Variants in RELCH observed in about 807,000 individuals in gnomAD.
RELCH encodes the protein RAB11 binding and LisH domain, coiled-coil and HEAT repeat containing, also known as RAB11-binding protein RELCH.
RELCH carries 41 observed loss-of-function variants against 150.3 expected under a neutral mutation model. The observed-to-expected ratio is 0.27, with a 90% confidence interval of 0.21 to 0.35. The LOEUF (loss-of-function observed/expected upper bound fraction) is 0.35. Ranked by LOEUF, RELCH falls within the 10% of genes least tolerant of loss-of-function variation. RELCH has a pLI of 1.00. For synonymous variants in RELCH, 478 were observed against 531.8 expected (o/e 0.90, Z 1.39); for missense variants, 1,092 against 1,467.8 (o/e 0.74, Z 4.18).
intron 10 of RELCH, among the ~76,000 whole-genome samples, chr18:62,238,227 A>G: frequency 6.6e-6 from 1 of 151,820 alleles, no homozygotes; most frequent in East Asian, 1.9e-4. Context: ...TGTAATCTTT[A>G]TTATTTCCTT....
chr18:62,224,203 A>C lies in RELCH; in HGVS notation c.858+2706A>C, dbSNP rs147318505. On this transcript the variant is annotated intron_variant, in intron 5 of 28. Transcript: ENST00000644646. ...CTAATTGTTCAATTCCCACCTGTGA[A>C]TGAGAACATGCAGTGCTTGGTTTTC... Among the ~76,000 whole-genome samples the C allele has an allele frequency of 7.6e-3, 1,153 of 152,130 alleles. 5 individuals carry two copies. Among genetic ancestry groups the C allele is most frequent in the African/African-American group, 0.02 (824 of 41,520 alleles).
At chr18:62,205,298 G>A (rs1031035113) in intron 1 of RELCH, among the ~76,000 whole-genome samples, 1 of 152,152 alleles carries the variant, frequency 6.6e-6, no homozygotes, top group Non-Finnish European at 1.5e-5. Flanking sequence ...GAATGTACCT[G>A]TAGTAACCCA....
rs1000319408 is a variant in RELCH at position 62,305,326 on chromosome 18, G to A, written c.3531-88G>A. 1 of 1,146,276 alleles carries A rather than the reference G, an allele frequency of 8.7e-7. No individual in the cohort carries two copies. The highest frequency in any genetic ancestry group is 1.6e-5 in the African/African-American group (1 of 62,976). The allele number at this position is 1,146,276 out of a possible 1,614,324, so 71.0% of individuals were successfully genotyped here. On this transcript the variant is annotated intron_variant, in intron 28 of 28. Coordinates refer to ENST00000644646, the MANE Select transcript of RELCH (RefSeq NM_001346231.2). The surrounding 1 kb of genome is among the most constrained non-coding windows in gnomAD (Gnocchi z 4.0). ...TTCCCTTTTGTGACGCCAATTCAGA[G>A]TGTGTTCGTTAATGATATGCTACTA...
intron 8 of RELCH, among the ~76,000 whole-genome samples, chr18:62,230,099 G>A (rs1185811794): frequency 6.6e-6 from 1 of 152,046 alleles, no homozygotes; most frequent in Non-Finnish European, 1.5e-5. Context: ...TTGGTAATGG[G>A]AAGGGAAAGA....
At chr18:62,220,109 A>T (rs2040755441) in intron 2 of RELCH, among the ~76,000 whole-genome samples, 1 of 152,082 alleles carries the variant, frequency 6.6e-6, no homozygotes, top group African/African-American at 2.4e-5. Context: ...CAATATTCAT[A>T]TTTATGTCAT....
chr18:62,278,079 A>G (rs1175042594), intron 22 of RELCH: 1 of 153,220 alleles, frequency 6.5e-6, no homozygotes, highest in Non-Finnish European at 1.5e-5. Context: ...ATATTGTGTT[A>G]AAGTGTATAA....
intron 27 of RELCH, among the ~76,000 whole-genome samples, chr18:62,293,244 A>G (rs898802561): frequency 2.6e-5 from 4 of 152,190 alleles, no homozygotes; most frequent in African/African-American, 9.7e-5. Context: ...GAGAAGCAAA[A>G]CCAAAATGAT....
rs201786752 is a variant in RELCH at position 62,260,375 on chromosome 18, CAA to C, written c.2203-1122_2203-1121del. Among the ~76,000 whole-genome samples the C allele has an allele frequency of 1.4e-4, 14 of 100,988 alleles. No homozygotes were observed. In the East Asian group the frequency reaches 1.4e-3, roughly 10 times the overall value. 66.3% of individuals were successfully genotyped at this position (100,988 alleles called of 152,430 possible). ...GTTGAAATGACTATTATTAAAAAGA[CAA>C]AAAAAAAAAAAAAGATGCTGGTCAA... On this transcript the variant is annotated intron_variant, in intron 15 of 28. Transcript: ENST00000644646.
intron 26 of RELCH, 65 bp downstream of exon 26, chr18:62,287,532 G>T (rs1567038): frequency 0.38 from 323,408 of 843,232 alleles, 63,818 homozygotes; most frequent in Middle Eastern, 0.48. Context: ...AACTTGGTTG[G>T]TAAAGATTGA....
intron 1 of RELCH, among the ~76,000 whole-genome samples, chr18:62,201,058 C>T (rs1305988592): frequency 6.7e-6 from 1 of 149,162 alleles, no homozygotes; most frequent in Non-Finnish European, 1.5e-5. Flanking sequence ...ACTGCAACCT[C>T]CGCCTCCCAG....
Position 62,275,443 on chromosome 18 carries a change from C to G in RELCH, c.2937C>G (p.Leu979=), listed in dbSNP as rs563712471. 19 of 1,607,434 alleles carry G rather than the reference C, an allele frequency of 1.2e-5. No individual in the cohort carries two copies. The East Asian group carries it at 4.0e-4, about 34-fold the overall frequency. ...LWYGVVHTSA[L]VRCTAARMFE... ...ATGGTGTTGTCCATACTTCAGCACT[C>G]GTGAGGTGTACTGCTGCTAGAATGT... Residue 979 remains leucine (L), a synonymous_variant, in exon 22 of 29, where the codon CTC becomes CTG. Coordinates refer to ENST00000644646, the MANE Select transcript of RELCH (RefSeq NM_001346231.2).
chr18:62,224,223 G>C (rs2041069066), intron 5 of RELCH, among the ~76,000 whole-genome samples: 1 of 152,060 alleles, frequency 6.6e-6, no homozygotes, highest in Admixed American at 6.6e-5. Context: ...GCAGTGCTTG[G>C]TTTTCTGTCC....
chr18:62,267,154 A>G (rs966123894), intron 19 of RELCH, among the ~76,000 whole-genome samples: 5 of 151,916 alleles, frequency 3.3e-5, no homozygotes, highest in African/African-American at 4.8e-5. Flanking sequence ...ATAAGCATAT[A>G]TGTTTTCAAA....
intron 1 of RELCH, among the ~76,000 whole-genome samples, chr18:62,201,204 A>C (rs1322683881): frequency 6.6e-6 from 1 of 151,790 alleles, no homozygotes; most frequent in Non-Finnish European, 1.5e-5. Flanking sequence ...CGATCTCCTG[A>C]CCTTGTGATC....
At chr18:62,216,588 T>TC (rs2148343427) in intron 2 of RELCH, among the ~76,000 whole-genome samples, 1 of 152,088 alleles carries the variant, frequency 6.6e-6, no homozygotes, top group East Asian at 1.9e-4. Context: ...GAATGTCCAT[T>TC]CATACTCAGC....
rs1056419242 is a variant in RELCH, at chr18:62,244,874, A to T, written c.1731A>T (p.Gln577His). 1.9e-6 allele frequency: 3 copies of T among 1,590,742 alleles called. No homozygotes were observed. In the African/African-American group the frequency reaches 4.0e-5, roughly 21 times the overall value. The change falls in exon 11 of 29, where the codon CAA becomes CAT. Residue 577 changes from glutamine to histidine, a missense_variant and splice_region_variant. This residue lies in a region of RELCH where 707 missense variants were observed against 1,025.4 expected (regional missense o/e 0.69). Coordinates refer to ENST00000644646, the MANE Select transcript of RELCH (RefSeq NM_001346231.2). The stretch of plus-strand genomic sequence containing the variant: ...TGATCAAGAGGCCAGATGATGAGCA[A>T]AGGTGGGTATGATTACATATGTGAA... ...FNLIKRPDDE[Q>H]RQMILTGCVA...
At chr18:62,267,632 G>A (rs1162167296) in intron 19 of RELCH, among the ~76,000 whole-genome samples, 1 of 151,440 alleles carries the variant, frequency 6.6e-6, no homozygotes, top group Non-Finnish European at 1.5e-5. Flanking sequence ...ATTCTTTTAA[G>A]CCTGAAGACA....
At chr18:62,195,271 A>G (rs1445536905) in intron 1 of RELCH, among the ~76,000 whole-genome samples, 1 of 135,238 alleles carries the variant, frequency 7.4e-6, no homozygotes, top group Non-Finnish European at 1.6e-5. Context: ...GCTGGAATAT[A>G]CACACACTCT....
intron 18 of RELCH, 42 bp downstream of exon 18, chr18:62,264,894 T>G (rs1223457279): frequency 6.6e-7 from 1 of 1,509,392 alleles, no homozygotes; most frequent in Non-Finnish European, 9.1e-7. Flanking sequence ...GAAAAAGACA[T>G]AGAAATGTAA....
Sources: gnomAD v4.1 joint callset for allele counts (sites outside exome capture counted in the v4.1 genomes callset) on GRCh38, gnomAD v4.1.1 for gene constraint, gnomAD v4.1.1 regional missense constraint, Gnocchi (gnomAD v3.1) non-coding constraint, MANE v1.5 for transcripts, NCBI Gene and HGNC (gene_info 2026-07-23, HGNC 2026-07-21) for gene names.